The following MARCHF3 variants were observed in gnomAD, a reference collection of about 807,000 sequenced individuals.
MARCHF3 encodes the protein E3 ubiquitin-protein ligase MARCHF3.
In MARCHF3, 13 loss-of-function variants were observed where a neutral mutation model predicts 24.2. The observed-to-expected ratio is 0.54, with a 90% CI of 0.35 to 0.85. The LOEUF (loss-of-function observed/expected upper bound fraction) is 0.85. MARCHF3 is among the 40% of genes least tolerant of loss of function. The pLI is 0.01. For missense variants in MARCHF3, 276 were observed against 325.0 expected (o/e 0.85, Z 1.16); for synonymous variants, 144 against 137.3 (o/e 1.05, Z -0.34).
intron 3 of MARCHF3, among the ~76,000 whole-genome samples, chr5:126,907,029 G>A (rs1437172560): frequency 2.1e-4 from 32 of 151,902 alleles, no homozygotes; most frequent in African/African-American, 7.3e-4. Flanking sequence ...CTTTGTTGTC[G>A]TTGGTTTCAA....
chr5:126,911,963 T>C (rs1754549462), intron 3 of MARCHF3, among the ~76,000 whole-genome samples: 1 of 152,252 alleles, frequency 6.6e-6, no homozygotes, highest in African/African-American at 2.4e-5. Flanking sequence ...TTGCTCACCC[T>C]CTTCCACAGG....
chr5:126,969,873 T>C (rs192542921), intron 1 of MARCHF3, among the ~76,000 whole-genome samples: 44 of 152,308 alleles, frequency 2.9e-4, no homozygotes, highest in Non-Finnish European at 4.4e-5. Flanking sequence ...AGCACTACTT[T>C]AGATACATGG....
At chr5:126,883,030 A>G (rs1753391775) in intron 3 of MARCHF3, among the ~76,000 whole-genome samples, 2 of 152,176 alleles carry the variant, frequency 1.3e-5, no homozygotes, top group Non-Finnish European at 2.9e-5. Flanking sequence ...GGGGAGGAAA[A>G]TGGTTACATC....
At chr5:126,881,860 GAGAC>G (rs1374021443) in intron 3 of MARCHF3, among the ~76,000 whole-genome samples, 2 of 152,138 alleles carry the variant, frequency 1.3e-5, no homozygotes, top group African/African-American at 2.4e-5. Context: ...GAAAGGGAGA[GAGAC>G]AGACACACAG....
intron 3 of MARCHF3, among the ~76,000 whole-genome samples, chr5:126,881,743 A>G (rs990342312): frequency 4.6e-5 from 7 of 152,174 alleles, no homozygotes. Flanking sequence ...TGGTGGTGGC[A>G]TTGTGAGTGG....
At chr5:126,915,203 G>C in intron 2 of MARCHF3, 69 bp from the exon 3 acceptor site, 1 of 1,508,034 alleles carries the variant, frequency 6.6e-7, no homozygotes, top group Admixed American at 1.8e-5. Context: ...TGGCCCTCTA[G>C]CTCTTGTCCT....
intron 1 of MARCHF3, among the ~76,000 whole-genome samples, chr5:126,957,175 CTT>C (rs1463137048): frequency 6.6e-6 from 1 of 151,994 alleles, no homozygotes. Flanking sequence ...AGTATTTAGT[CTT>C]TTTTATTTGT....
At chr5:126,910,646 C>T (rs1276002505) in intron 3 of MARCHF3, among the ~76,000 whole-genome samples, 1 of 152,184 alleles carries the variant, frequency 6.6e-6, no homozygotes, top group Non-Finnish European at 1.5e-5. Context: ...ATCTCTTAAT[C>T]CCATCATCTT....
At chr5:127,012,469 T>C (rs78145089) in intron 1 of MARCHF3, among the ~76,000 whole-genome samples, 2,069 of 152,242 alleles carry the variant, frequency 0.014, 55 homozygotes, top group African/African-American at 0.048. Flanking sequence ...CAAATGACCT[T>C]TGTTGAAAGT....
At chr5:126,898,593 G>T (rs75153046) in intron 3 of MARCHF3, among the ~76,000 whole-genome samples, 3,107 of 152,198 alleles carry the variant, frequency 0.02, 78 homozygotes, top group South Asian at 0.12. Flanking sequence ...GCGGTGAATT[G>T]TAAGGAAGGG....
At chr5:126,965,660 G>C (rs537109736) in intron 1 of MARCHF3, among the ~76,000 whole-genome samples, 1 of 152,246 alleles carries the variant, frequency 6.6e-6, no homozygotes, top group Non-Finnish European at 1.5e-5. Context: ...AGTGCCTAAA[G>C]CAGCACACAA....
intron 1 of MARCHF3, among the ~76,000 whole-genome samples, chr5:126,992,385 T>C (rs908981983): frequency 6.6e-6 from 1 of 152,202 alleles, no homozygotes; most frequent in African/African-American, 2.4e-5. Flanking sequence ...GCAAGATAAT[T>C]TGTAGCCCTG....
At chr5:126,880,272 C>A (rs1437494273) in intron 3 of MARCHF3, among the ~76,000 whole-genome samples, 1 of 152,142 alleles carries the variant, frequency 6.6e-6, no homozygotes, top group East Asian at 1.9e-4. Context: ...CAGGGACAAG[C>A]CACCTTAAAC....
intron 3 of MARCHF3, among the ~76,000 whole-genome samples, chr5:126,879,418 C>T (rs1753277792): frequency 6.6e-6 from 1 of 152,186 alleles, no homozygotes; most frequent in Admixed American, 6.5e-5. Flanking sequence ...AATGCCCACT[C>T]TTGGCTTTTG....
At chr5:126,890,258 C>CTT (rs755211295) in intron 3 of MARCHF3, among the ~76,000 whole-genome samples, 1 of 143,880 alleles carries the variant, frequency 7.0e-6, no homozygotes, top group Admixed American at 7.0e-5. Context: ...AAAAGACATA[C>CTT]TTTTTTTTTT....
intron 3 of MARCHF3, among the ~76,000 whole-genome samples, chr5:126,900,474 T>C (rs995726855): frequency 3.9e-5 from 6 of 152,030 alleles, no homozygotes; most frequent in Admixed American, 2.6e-4. Context: ...TGTGAGGACA[T>C]AGACAGAAGT....
At chr5:126,878,130 G>C in intron 4 of MARCHF3, 55 bp downstream of exon 4, 1 of 1,560,854 alleles carries the variant, frequency 6.4e-7, no homozygotes, top group Non-Finnish European at 8.8e-7. Context: ...GCTTGTGCCA[G>C]CTGTGAGGCT....
intron 1 of MARCHF3, among the ~76,000 whole-genome samples, chr5:126,945,233 G>C (rs1373393394): frequency 6.6e-6 from 1 of 152,196 alleles, no homozygotes; most frequent in Non-Finnish European, 1.5e-5. Context: ...TTTACACCGT[G>C]GGATTGGCAA....
At chr5:126,942,792 T>G (rs565923813) in intron 1 of MARCHF3, among the ~76,000 whole-genome samples, 2 of 152,338 alleles carry the variant, frequency 1.3e-5, no homozygotes, top group East Asian at 3.9e-4. Flanking sequence ...TTCTCTGACA[T>G]GTGTTTTGAA....
Sources: allele counts gnomAD v4.1 joint callset (sites outside exome capture counted in the v4.1 genomes callset), GRCh38; gene constraint gnomAD v4.1.1; transcripts MANE v1.5; gene names NCBI Gene and HGNC (gene_info 2026-07-23, HGNC 2026-07-21).